The following SNTB1 variants were observed in gnomAD, a reference collection of about 807,000 sequenced individuals.
SNTB1 encodes the protein beta-1-syntrophin.
In SNTB1, 36 loss-of-function variants were observed where a neutral mutation model predicts 48.9. The observed-to-expected ratio is 0.74, with a 90% CI of 0.56 to 0.97. The LOEUF is 0.97. Among genes scored for constraint, SNTB1 ranks in the 50% least tolerant of loss-of-function variants. The probability of loss-of-function intolerance (pLI) is 0.00; values close to 1 mark genes in which losing one functional copy is unlikely to be tolerated. For missense variants in SNTB1, 786 were observed against 703.4 expected, an observed-to-expected ratio of 1.12 and a Z score of -1.33; for synonymous variants, 299 against 294.6, an observed-to-expected ratio of 1.01 and a Z score of -0.15.
At chr8:120,598,547 G>A (rs1328382710) in intron 3 of SNTB1, among the ~76,000 whole-genome samples, 1 of 152,226 alleles carries the variant, frequency 6.6e-6, no homozygotes, top group Non-Finnish European at 1.5e-5. Flanking sequence ...AGAGTCTAGT[G>A]AGGGAGATGA....
At chr8:120,639,209 T>C (rs200605913) in intron 2 of SNTB1, among the ~76,000 whole-genome samples, 3 of 152,230 alleles carry the variant, frequency 2.0e-5, no homozygotes, top group Non-Finnish European at 4.4e-5. Flanking sequence ...AGTGTCTGTT[T>C]ATATCCTTTG....
intron 1 of SNTB1, among the ~76,000 whole-genome samples, chr8:120,751,869 T>C (rs56157701): frequency 0.13 from 19,744 of 152,168 alleles, 1,653 homozygotes; most frequent in African/African-American, 0.23. Context: ...AGGTCGCTTT[T>C]TCAACCCATT....
intron 3 of SNTB1, among the ~76,000 whole-genome samples, chr8:120,599,809 A>G (rs1816393505): frequency 6.6e-6 from 1 of 152,222 alleles, no homozygotes. Context: ...CAAAAGTCAT[A>G]GCTATTCAAG....
At chr8:120,614,188 T>C (rs778224393) in intron 3 of SNTB1, among the ~76,000 whole-genome samples, 1 of 152,210 alleles carries the variant, frequency 6.6e-6, no homozygotes, top group Non-Finnish European at 1.5e-5. Flanking sequence ...TTATTTATCC[T>C]TTCTGTGTCT....
At chr8:120,648,487 T>C (rs1817342813) in intron 2 of SNTB1, among the ~76,000 whole-genome samples, 1 of 151,938 alleles carries the variant, frequency 6.6e-6, no homozygotes, top group East Asian at 1.9e-4. Flanking sequence ...GAATGTTGAA[T>C]ATTGGCCCCC....
At chr8:120,725,655 G>A (rs1163891424) in intron 1 of SNTB1, among the ~76,000 whole-genome samples, 1 of 152,174 alleles carries the variant, frequency 6.6e-6, no homozygotes, top group African/African-American at 2.4e-5. Flanking sequence ...GAGGATTGAA[G>A]GAAATGAGTT....
intron 2 of SNTB1, among the ~76,000 whole-genome samples, chr8:120,641,009 C>T (rs1047771838): frequency 4.6e-5 from 7 of 151,920 alleles, no homozygotes; most frequent in Non-Finnish European, 1.0e-4. Flanking sequence ...TGGTCCTGGA[C>T]TTTTTTTGGT....
intron 4 of SNTB1, among the ~76,000 whole-genome samples, chr8:120,565,419 G>A (rs751773664): frequency 1.3e-5 from 2 of 152,122 alleles, no homozygotes; most frequent in African/African-American, 2.4e-5. Flanking sequence ...TACAAAACTC[G>A]CCCAAGGCTC....
intron 1 of SNTB1, among the ~76,000 whole-genome samples, chr8:120,791,053 G>A (rs1032446718): frequency 2.6e-5 from 4 of 151,496 alleles, no homozygotes; most frequent in Non-Finnish European, 4.4e-5. Flanking sequence ...TACATGTTTT[G>A]TAACCAAACA....
At chr8:120,786,123 C>G (rs117563567) in intron 1 of SNTB1, among the ~76,000 whole-genome samples, 44 of 152,328 alleles carry the variant, frequency 2.9e-4, no homozygotes, top group Admixed American at 5.2e-4. Flanking sequence ...TACCACTGAA[C>G]CGTCTGCAGA....
chr8:120,678,216 T>C (rs957278683), intron 2 of SNTB1, among the ~76,000 whole-genome samples: 1 of 152,152 alleles, frequency 6.6e-6, no homozygotes, highest in Admixed American at 6.5e-5. Context: ...GAACAGTTAC[T>C]GCTCAAATGT....
intron 1 of SNTB1, among the ~76,000 whole-genome samples, chr8:120,734,014 A>G (rs990178685): frequency 1.3e-5 from 2 of 152,236 alleles, no homozygotes; most frequent in Non-Finnish European, 2.9e-5. Context: ...AAATAAGATC[A>G]ACAAATGTAA....
At chr8:120,644,161 C>CT (rs60428616) in intron 2 of SNTB1, among the ~76,000 whole-genome samples, 96,153 of 147,536 alleles carry the variant, frequency 0.65, 32,548 homozygotes, top group Middle Eastern at 0.79. Flanking sequence ...GGAAATCATT[C>CT]TTTTTTTTTT....
chr8:120,622,243 T>C (rs960302641), intron 3 of SNTB1, among the ~76,000 whole-genome samples: 4 of 152,194 alleles, frequency 2.6e-5, no homozygotes, highest in South Asian at 2.1e-4. Context: ...TGTTTTCACC[T>C]TGATGCAGCC....
chr8:120,690,649 C>G (rs1441687132), intron 2 of SNTB1, among the ~76,000 whole-genome samples: 3 of 152,122 alleles, frequency 2.0e-5, no homozygotes, highest in Non-Finnish European at 2.9e-5. Flanking sequence ...TTGCATTTAC[C>G]TTGTAAGCTT....
chr8:120,705,042 C>T (rs1476354047), intron 1 of SNTB1, among the ~76,000 whole-genome samples: 1 of 152,214 alleles, frequency 6.6e-6, no homozygotes, highest in Non-Finnish European at 1.5e-5. Flanking sequence ...CCTCCTCGAT[C>T]AGCCTATACC....
intron 5 of SNTB1, among the ~76,000 whole-genome samples, chr8:120,543,497 C>T (rs1005861262): frequency 1.3e-5 from 2 of 152,140 alleles, no homozygotes; most frequent in African/African-American, 2.4e-5. Context: ...AAAAGGAAAG[C>T]TCAGAGAGGT....
intron 4 of SNTB1, among the ~76,000 whole-genome samples, chr8:120,564,021 T>G (rs1161760349): frequency 6.6e-6 from 1 of 151,298 alleles, no homozygotes. Context: ...GGCAGGAGAA[T>G]CACCTGAACC....
chr8:120,550,753 A>T (rs2130654202), intron 4 of SNTB1, among the ~76,000 whole-genome samples: 1 of 152,300 alleles, frequency 6.6e-6, no homozygotes, highest in South Asian at 2.1e-4. Flanking sequence ...AGAGGATTCA[A>T]ATGCAAGTGA....
Sources: allele counts gnomAD v4.1 joint callset (sites outside exome capture counted in the v4.1 genomes callset), GRCh38; gene constraint gnomAD v4.1.1; transcripts MANE v1.5; gene names NCBI Gene and HGNC (gene_info 2026-07-23, HGNC 2026-07-21).